AK5: variants seen among roughly 807,000 people sequenced by gnomAD.
AK5 encodes the protein adenylate kinase isoenzyme 5.
Under a neutral mutation model 69.5 loss-of-function variants are expected in AK5, and 27 were observed. The observed-to-expected ratio is 0.39, with a 90% CI of 0.29 to 0.54. The LOEUF (loss-of-function observed/expected upper bound fraction) is 0.54, where lower values mean the gene tolerates loss of function less well. AK5 is among the 20% of genes least tolerant of loss of function. The pLI, the probability that AK5 is intolerant of heterozygous loss-of-function variation, is 0.71. For synonymous variants in AK5, 260 were observed against 244.4 expected (o/e 1.06, Z -0.60); for missense variants, 531 against 700.4 (o/e 0.76, Z 2.73).
intron 5 of AK5, among the ~76,000 whole-genome samples, chr1:77,327,943 A>G (rs1334023694): frequency 6.6e-6 from 1 of 152,160 alleles, no homozygotes; most frequent in African/African-American, 2.4e-5. Context: ...AATAAAATAT[A>G]TTACTCCCAT....
At chr1:77,537,278 C>G (rs1659022682) in intron 13 of AK5, among the ~76,000 whole-genome samples, 1 of 151,944 alleles carries the variant, frequency 6.6e-6, no homozygotes. Flanking sequence ...GTCAGGAAAA[C>G]CAAGTAACTC....
intron 12 of AK5, among the ~76,000 whole-genome samples, chr1:77,531,359 C>G (rs1288277824): frequency 2.6e-5 from 4 of 152,192 alleles, no homozygotes; most frequent in Non-Finnish European, 5.9e-5. Flanking sequence ...CCACCCACAT[C>G]CTGCTGATTG....
intron 6 of AK5, among the ~76,000 whole-genome samples, chr1:77,387,383 A>G (rs989013163): frequency 9.2e-5 from 14 of 152,194 alleles, no homozygotes; most frequent in African/African-American, 3.4e-4. Context: ...TCTGAGGAAC[A>G]TTAAATATTA....
At chr1:77,379,994 C>G (rs999136899) in intron 6 of AK5, among the ~76,000 whole-genome samples, 11 of 152,306 alleles carry the variant, frequency 7.2e-5, no homozygotes, top group Admixed American at 7.2e-4. Flanking sequence ...TTCCAAGGAA[C>G]TCATAATTAT....
At chr1:77,367,589 T>TA (rs1553139773) in intron 6 of AK5, among the ~76,000 whole-genome samples, 4 of 43,592 alleles carry the variant, frequency 9.2e-5, no homozygotes, top group African/African-American at 1.6e-4. Flanking sequence ...AATATATATG[T>TA]TATATATGTA....
chr1:77,325,161 G>GTTT (rs369801549), intron 5 of AK5, among the ~76,000 whole-genome samples: 18 of 123,230 alleles, frequency 1.5e-4, no homozygotes, highest in South Asian at 5.5e-4. Flanking sequence ...TAGGTTTTTT[G>GTTT]TTTTTTTTTT....
At chr1:77,493,763 G>T (rs1165061751) in intron 10 of AK5, among the ~76,000 whole-genome samples, 1 of 152,162 alleles carries the variant, frequency 6.6e-6, no homozygotes, top group Non-Finnish European at 1.5e-5. Flanking sequence ...GGATGGTAGA[G>T]TAAAGAAAAA....
At chr1:77,442,567 G>A (rs1017215417) in intron 8 of AK5, among the ~76,000 whole-genome samples, 1 of 152,180 alleles carries the variant, frequency 6.6e-6, no homozygotes, top group Admixed American at 6.5e-5. Context: ...GAAGTCAGGT[G>A]TTTCCTTCTG....
Position 77,340,359 on chromosome 1 carries a change from T to G in AK5, c.700-18T>G. On this transcript the variant is annotated intron_variant, in intron 5 of 13. Coordinates refer to ENST00000354567, the MANE Select transcript of AK5 (RefSeq NM_174858.3). ...TTGGTATGTTGAATGCCTCTCTATT[T>G]GTTGATGCTCTCCACAGATCTGTAC... The G allele has an allele frequency of 6.2e-7, 1 of 1,603,690 alleles. No individual in the cohort carries two copies. The highest frequency in any genetic ancestry group is 8.5e-7 in the Non-Finnish European group (1 of 1,172,962).
chr1:77,372,767 G>A (rs992191895), intron 6 of AK5, among the ~76,000 whole-genome samples: 7 of 134,026 alleles, frequency 5.2e-5, no homozygotes, highest in Admixed American at 7.4e-5. Context: ...ATGTGTGTGT[G>A]TGTGCGTGTG....
intron 6 of AK5, among the ~76,000 whole-genome samples, chr1:77,363,872 T>G (rs1646907079): frequency 6.6e-6 from 1 of 152,216 alleles, no homozygotes; most frequent in South Asian, 2.1e-4. Flanking sequence ...TTTATTTTTC[T>G]CCAGGACATT....
intron 12 of AK5, among the ~76,000 whole-genome samples, chr1:77,528,216 A>AATG (rs1320876187): frequency 6.6e-6 from 1 of 152,152 alleles, no homozygotes; most frequent in African/African-American, 2.4e-5. Context: ...GACAAAGACA[A>AATG]ATGCAGACAT....
intron 5 of AK5, among the ~76,000 whole-genome samples, chr1:77,310,571 C>T (rs1670616): frequency 0.73 from 110,680 of 151,706 alleles, 40,612 homozygotes; most frequent in Middle Eastern, 0.84. Context: ...TTAGTAGAGA[C>T]GGGGTTTCAC....
At chr1:77,285,040 C>T in intron 1 of AK5, among the ~76,000 whole-genome samples, 1 of 152,114 alleles carries the variant, frequency 6.6e-6, no homozygotes, top group Admixed American at 6.5e-5. Flanking sequence ...CAGAGAAGAA[C>T]ATATGGGTTT....
chr1:77,369,803 A>T lies in AK5; in HGVS notation c.891+29235A>T, dbSNP rs142703187. On this transcript the variant is annotated intron_variant, in intron 6 of 13. Coordinates refer to ENST00000354567, the MANE Select transcript of AK5 (RefSeq NM_174858.3). ...AGGTAGGAAACATTTGAGTAGTTTC[A>T]AAAAGTGTTTTGACAAAAGCATTAA... 1.8e-3 allele frequency among the ~76,000 whole-genome samples: 272 copies of T among 152,340 alleles called. 2 individuals carry two copies. The highest frequency in any genetic ancestry group is 6.3e-3 in the African/African-American group (260 of 41,580).
chr1:77,500,370 A>G (rs1013690515), intron 10 of AK5, among the ~76,000 whole-genome samples: 1 of 152,200 alleles, frequency 6.6e-6, no homozygotes, highest in Non-Finnish European at 1.5e-5. Context: ...ATGAGGAAGC[A>G]AAGTCAAAAT....
intron 8 of AK5, among the ~76,000 whole-genome samples, chr1:77,439,998 G>A (rs1342487536): frequency 6.6e-6 from 1 of 152,046 alleles, no homozygotes; most frequent in Non-Finnish European, 1.5e-5. Context: ...TATTGTTATT[G>A]CAGTTTGGTG....
intron 5 of AK5, among the ~76,000 whole-genome samples, chr1:77,312,183 G>A (rs1160101971): frequency 6.6e-6 from 1 of 152,124 alleles, no homozygotes; most frequent in East Asian, 1.9e-4. Flanking sequence ...CTATGAGGAA[G>A]TTGTTGACAA....
rs545743428 is a variant in AK5 at position 77,439,271 on chromosome 1, G to T, written c.1059+21556G>T. Reference sequence around the variant, plus strand: ...AGCGAACATTTTCTAAAGGAAAAATGAGGAAGATTACATAATTTTTATTGA... The same window carrying T: ...AGCGAACATTTTCTAAAGGAAAAATTAGGAAGATTACATAATTTTTATTGA... On this transcript the variant is annotated intron_variant, in intron 8 of 13. Transcript: ENST00000354567. Among the ~76,000 whole-genome samples the T allele has an allele frequency of 2.6e-5, 4 of 152,314 alleles. No individual in the cohort carries two copies. The South Asian group carries it at 6.2e-4, about 24-fold the overall frequency.
Sources: allele counts gnomAD v4.1 joint callset (sites outside exome capture counted in the v4.1 genomes callset), GRCh38; gene constraint gnomAD v4.1.1; transcripts MANE v1.5; gene names NCBI Gene and HGNC (gene_info 2026-07-23, HGNC 2026-07-21).